AZI2: variants seen among roughly 807,000 people sequenced by gnomAD.
The protein encoded by AZI2 is 5-azacytidine induced 2, also known as 5-azacytidine-induced protein 2.
In AZI2, 22 loss-of-function variants were observed where a neutral mutation model predicts 45.8. That is an observed-to-expected ratio of 0.48 (90% confidence interval 0.34 to 0.69). The LOEUF is 0.69. AZI2 is among the 30% of genes least tolerant of loss of function. AZI2 has a pLI of 0.01. For missense variants in AZI2, 417 were observed against 441.5 expected, an observed-to-expected ratio of 0.94 and a Z score of 0.50; for synonymous variants, 137 against 156.7, an observed-to-expected ratio of 0.87 and a Z score of 0.94.
chr3:28,334,304 G>C (rs975685557), intron 5 of AZI2, among the ~76,000 whole-genome samples: 2 of 151,790 alleles, frequency 1.3e-5, no homozygotes, highest in African/African-American at 2.4e-5. Context: ...AGAGTATTGT[G>C]AACATAAATT....
chr3:28,330,360 A>T (rs1703527350), intron 6 of AZI2, among the ~76,000 whole-genome samples: 1 of 151,368 alleles, frequency 6.6e-6, no homozygotes, highest in Non-Finnish European at 1.5e-5. Context: ...AGTTCCAAAA[A>T]AGCAAGTTAT....
intron 5 of AZI2, among the ~76,000 whole-genome samples, chr3:28,335,831 A>G (rs1454425547): frequency 6.6e-6 from 1 of 152,052 alleles, no homozygotes. Flanking sequence ...CAATTCCTCA[A>G]TAGTGTTAGA....
chr3:28,334,320 C>G (rs1280690170), intron 5 of AZI2, among the ~76,000 whole-genome samples: 1 of 151,814 alleles, frequency 6.6e-6, no homozygotes, highest in Non-Finnish European at 1.5e-5. Context: ...AAATTTCTCT[C>G]CTTGGCTTCC....
intron 1 of AZI2, among the ~76,000 whole-genome samples, chr3:28,342,733 AC>A (rs1704073210): frequency 6.6e-6 from 1 of 151,678 alleles, no homozygotes; most frequent in Non-Finnish European, 1.5e-5. Context: ...ACACACACAC[AC>A]ACACACACAC....
At chr3:28,347,702 G>A (rs1005682012) in intron 1 of AZI2, among the ~76,000 whole-genome samples, 1 of 152,144 alleles carries the variant, frequency 6.6e-6, no homozygotes, top group Non-Finnish European at 1.5e-5. Flanking sequence ...ACTTGCGTAA[G>A]ATGTCTGGCT....
At chr3:28,327,288 A>G (rs892520344) in intron 6 of AZI2, among the ~76,000 whole-genome samples, 1 of 151,166 alleles carries the variant, frequency 6.6e-6, no homozygotes, top group Admixed American at 6.6e-5. Flanking sequence ...AGTAAGAAAT[A>G]CATTCTTTAT....
intron 5 of AZI2, among the ~76,000 whole-genome samples, chr3:28,335,050 A>G (rs1186308962): frequency 6.6e-6 from 1 of 152,092 alleles, no homozygotes; most frequent in Admixed American, 6.6e-5. Flanking sequence ...GGATCAGTAA[A>G]TGAAGTTGGT....
At chr3:28,348,089 G>C (rs569416813) in intron 1 of AZI2, 8 of 152,330 alleles carry the variant, frequency 5.3e-5, no homozygotes, top group Admixed American at 1.3e-4. Context: ...CGTAGTAGTA[G>C]TTACTCAACA....
At chr3:28,337,825 T>TA in intron 4 of AZI2, 112 bp downstream of exon 4, 1 of 572,396 alleles carries the variant, frequency 1.7e-6, no homozygotes, top group Non-Finnish European at 2.7e-6. Flanking sequence ...ACCTAAAAAT[T>TA]AAAAAATAAG....
intron 5 of AZI2, among the ~76,000 whole-genome samples, chr3:28,336,011 C>G (rs1032436877): frequency 6.6e-5 from 10 of 152,166 alleles, no homozygotes; most frequent in African/African-American, 1.7e-4. Context: ...CTCACACTAC[C>G]TTGCTTCTTT....
At chr3:28,344,180 C>G (rs773750081) in intron 1 of AZI2, among the ~76,000 whole-genome samples, 1 of 151,940 alleles carries the variant, frequency 6.6e-6, no homozygotes, top group Non-Finnish European at 1.5e-5. Context: ...TATGTATCAA[C>G]TTTTATTGTT....
rs767489266 is a variant in AZI2, at chr3:28,337,952, C to A, written c.424G>T (p.Val142Leu). Reference sequence around the variant, plus strand: ...ACTGGCATACCCTGCTGAGTTTCCACCTCTGTCCTCAGCTGGAGGAGTTCT... The same window carrying A: ...ACTGGCATACCCTGCTGAGTTTCCAACTCTGTCCTCAGCTGGAGGAGTTCT... ...EVELLQLRTE[V>L]ETQQVMRNLN... The change falls in exon 4 of 8, where the codon GTG becomes TTG. Residue 142 changes from valine (V) to leucine (L), a missense_variant. Transcript: ENST00000479665. The A allele has an allele frequency of 1.3e-5, 20 of 1,586,516 alleles. No homozygotes were observed. Among genetic ancestry groups the A allele is most frequent in the Admixed American group, 1.7e-5 (1 of 58,266 alleles).
rs898415328 is a variant in AZI2, at chr3:28,322,770, T to A, written c.*1272A>T. On this transcript the variant is annotated 3_prime_UTR_variant, in exon 8 of 8. Coordinates refer to ENST00000479665, the MANE Select transcript of AZI2 (RefSeq NM_022461.5). ...ATAAGTGTAAGATAATAGAAAAAAA[T>A]ATCTAGTGAATGGCGAACATTGTCT... 6.6e-6 allele frequency: 1 copy of A among 151,416 alleles called. No homozygotes were observed. The highest frequency in any genetic ancestry group is 2.4e-5 in the African/African-American group (1 of 41,270). The allele number at this position is 151,416 out of a possible 1,614,324, so 9.4% of individuals were successfully genotyped here.
At chr3:28,332,154 T>G (rs1703603881) in intron 6 of AZI2, among the ~76,000 whole-genome samples, 1 of 151,610 alleles carries the variant, frequency 6.6e-6, no homozygotes, top group Non-Finnish European at 1.5e-5. Context: ...TCAGAAAGTT[T>G]AAGGCATCCT....
At chr3:28,338,441 G>C in intron 3 of AZI2, 52 bp downstream of exon 3, 16 of 1,487,216 alleles carry the variant, frequency 1.1e-5, no homozygotes, top group Non-Finnish European at 1.5e-5. Context: ...ACCTCTTGAA[G>C]GAGAAAATTC....
intron 6 of AZI2, among the ~76,000 whole-genome samples, chr3:28,329,665 A>T (rs1004570417): frequency 6.6e-6 from 1 of 151,300 alleles, no homozygotes; most frequent in African/African-American, 2.4e-5. Flanking sequence ...TAGCATTTGA[A>T]AATTTACTGA....
chr3:28,336,234 T>TG (rs1406026966), intron 5 of AZI2, among the ~76,000 whole-genome samples: 1 of 152,110 alleles, frequency 6.6e-6, no homozygotes, highest in Non-Finnish European at 1.5e-5. Context: ...AGATATTTGC[T>TG]GGTAGTTAAA....
At chr3:28,332,097 C>G in intron 6 of AZI2, 1 of 612,076 alleles carries the variant, frequency 1.6e-6, no homozygotes, top group Non-Finnish European at 2.8e-6. Flanking sequence ...CAGAATACCT[C>G]CACATAGCTA....
intron 5 of AZI2, among the ~76,000 whole-genome samples, chr3:28,334,543 GT>G (rs1183278327): frequency 1.3e-5 from 2 of 151,898 alleles, no homozygotes; most frequent in Non-Finnish European, 1.5e-5. Flanking sequence ...TGGGGGCCAT[GT>G]TATAAATATT....
Sources: allele counts gnomAD v4.1 joint callset (sites outside exome capture counted in the v4.1 genomes callset), GRCh38; gene constraint gnomAD v4.1.1; transcripts MANE v1.5; gene names NCBI Gene and HGNC (gene_info 2026-07-23, HGNC 2026-07-21).